ANGPT1: variants seen among roughly 807,000 people sequenced by gnomAD.
ANGPT1 encodes the protein angiopoietin 1.
In ANGPT1, 17 loss-of-function variants were observed where a neutral mutation model predicts 62.2. The ratio of observed to expected loss-of-function variants is 0.27; its 90% CI spans 0.19 to 0.41. The LOEUF (loss-of-function observed/expected upper bound fraction) is 0.41, where lower values mean the gene tolerates loss of function less well. Ranked by LOEUF, ANGPT1 falls within the 10% of genes least tolerant of loss-of-function variation. The pLI is 1.00. For synonymous variants in ANGPT1, 199 were observed against 198.9 expected (o/e 1.00, Z 0.00); for missense variants, 478 against 594.9 (o/e 0.80, Z 2.04).
chr8:107,394,127 A>C (rs1816888777), intron 1 of ANGPT1, among the ~76,000 whole-genome samples: 1 of 152,146 alleles, frequency 6.6e-6, no homozygotes, highest in African/African-American at 2.4e-5. Context: ...TATTTTCCTA[A>C]AGCTAGGGGT....
chr8:107,494,193 A>C (rs1425863402), intron 1 of ANGPT1, among the ~76,000 whole-genome samples: 1 of 152,226 alleles, frequency 6.6e-6, no homozygotes, highest in African/African-American at 2.4e-5. Context: ...TTAGAACATT[A>C]TACATATTTA....
rs1277247863 is a variant in ANGPT1, at chr8:107,351,302, G to A, written c.298-4205C>T. 2.0e-5 allele frequency among the ~76,000 whole-genome samples: 3 copies of A among 152,208 alleles called. No homozygotes were observed. In the East Asian group the frequency reaches 5.8e-4, roughly 29 times the overall value. On this transcript the variant is annotated intron_variant, in intron 1 of 8. Transcript: ENST00000517746. ...TATTTGCATAGCTTTTGTACACATTGTCTGACTTCATCCTTATACCAAACT... is the reference window on the plus strand; with the variant it reads ...TATTTGCATAGCTTTTGTACACATTATCTGACTTCATCCTTATACCAAACT...
intron 6 of ANGPT1, among the ~76,000 whole-genome samples, chr8:107,286,940 A>G (rs1033216214): frequency 3.9e-5 from 6 of 152,302 alleles, no homozygotes; most frequent in African/African-American, 1.4e-4. Flanking sequence ...CATAAACAAA[A>G]CAGAAAGTTA....
chr8:107,353,573 A>T (rs2130179836), intron 1 of ANGPT1, among the ~76,000 whole-genome samples: 1 of 152,248 alleles, frequency 6.6e-6, no homozygotes, highest in African/African-American at 2.4e-5. Flanking sequence ...GATACCCATC[A>T]GCTGCCCCCT....
intron 3 of ANGPT1, 70 bp from the exon 4 acceptor site, chr8:107,322,198 G>A: frequency 9.0e-7 from 1 of 1,105,814 alleles, no homozygotes; most frequent in South Asian, 1.6e-5. Flanking sequence ...TAATTCAATT[G>A]GTTCCTGAAT....
At chr8:107,448,408 G>A (rs1039339008) in intron 1 of ANGPT1, among the ~76,000 whole-genome samples, 1 of 151,872 alleles carries the variant, frequency 6.6e-6, no homozygotes, top group Non-Finnish European at 1.5e-5. Flanking sequence ...TTTTCCATTT[G>A]TTTTCTATTA....
chr8:107,325,164 C>A (rs1279553497), intron 3 of ANGPT1, among the ~76,000 whole-genome samples: 1 of 152,124 alleles, frequency 6.6e-6, no homozygotes, highest in Non-Finnish European at 1.5e-5. Context: ...TCTTCACTAT[C>A]TTTATTGGTT....
intron 1 of ANGPT1, among the ~76,000 whole-genome samples, chr8:107,397,084 A>G (rs1480776400): frequency 2.0e-5 from 3 of 152,114 alleles, no homozygotes; most frequent in Non-Finnish European, 4.4e-5. Context: ...TAATGGCCCA[A>G]TTGGTAATTT....
intron 1 of ANGPT1, among the ~76,000 whole-genome samples, chr8:107,367,669 C>A (rs1454071286): frequency 6.6e-6 from 1 of 152,140 alleles, no homozygotes; most frequent in Non-Finnish European, 1.5e-5. Flanking sequence ...CCTGTCAATA[C>A]TTTGTTAAAG....
chr8:107,307,400 G>A (rs1274028041), intron 4 of ANGPT1, among the ~76,000 whole-genome samples: 3 of 152,000 alleles, frequency 2.0e-5, no homozygotes, highest in Admixed American at 6.6e-5. Context: ...AACTTCCTAC[G>A]ACATTTCCTG....
Position 107,250,465 on chromosome 8 carries a change from C to CATATAT in ANGPT1, c.*1389_*1390insATATAT, listed in dbSNP as rs1813225299. 1 of 151,912 alleles carries CATATAT rather than the reference C, an allele frequency of 6.6e-6. No homozygotes were observed. The highest frequency in any genetic ancestry group is 2.4e-5 in the African/African-American group (1 of 41,358). 9.4% of individuals were successfully genotyped at this position (151,912 alleles called of 1,614,324 possible). Reference sequence around the variant, plus strand: ...TTTCCCTTACATATAATAGTTTTGCCAATTTTTCTCCCCTGATAATAATTT... The same window carrying CATATAT: ...TTTCCCTTACATATAATAGTTTTGCCATATATAATTTTTCTCCCCTGATAATAATTT... On this transcript the variant is annotated 3_prime_UTR_variant, in exon 9 of 9. Coordinates refer to ENST00000517746, the MANE Select transcript of ANGPT1 (RefSeq NM_001146.5).
At chr8:107,371,081 G>A (rs1260620919) in intron 1 of ANGPT1, among the ~76,000 whole-genome samples, 2 of 152,106 alleles carry the variant, frequency 1.3e-5, no homozygotes, top group African/African-American at 2.4e-5. Context: ...ACAGATAATC[G>A]ATGCAAACAG....
intron 1 of ANGPT1, among the ~76,000 whole-genome samples, chr8:107,460,688 A>G (rs546748230): frequency 2.0e-5 from 3 of 152,266 alleles, no homozygotes; most frequent in South Asian, 2.1e-4. Flanking sequence ...CTTGACACAC[A>G]TGGGGATAAG....
At chr8:107,341,815 T>A (rs932408982) in intron 2 of ANGPT1, among the ~76,000 whole-genome samples, 7 of 151,962 alleles carry the variant, frequency 4.6e-5, no homozygotes, top group Non-Finnish European at 8.8e-5. Flanking sequence ...CCAGAGAGTC[T>A]ATCTCCGGAG....
At chr8:107,470,160 A>G (rs1812314111) in intron 1 of ANGPT1, among the ~76,000 whole-genome samples, 1 of 152,128 alleles carries the variant, frequency 6.6e-6, no homozygotes, top group Non-Finnish European at 1.5e-5. Flanking sequence ...GTTTTACAAT[A>G]AATATTCAAT....
At chr8:107,396,399 T>C (rs1816934943) in intron 1 of ANGPT1, among the ~76,000 whole-genome samples, 1 of 151,874 alleles carries the variant, frequency 6.6e-6, no homozygotes, top group Admixed American at 6.6e-5. Context: ...TTATAATAGG[T>C]AAACCAAAAT....
At chr8:107,491,286 A>G (rs1278179580) in intron 1 of ANGPT1, among the ~76,000 whole-genome samples, 1 of 152,086 alleles carries the variant, frequency 6.6e-6, no homozygotes, top group African/African-American at 2.4e-5. Context: ...TGTGTCATCC[A>G]CTCTTCTAGG....
chr8:107,497,059 C>T (rs2130552914), intron 1 of ANGPT1, among the ~76,000 whole-genome samples: 1 of 152,238 alleles, frequency 6.6e-6, no homozygotes, highest in South Asian at 2.1e-4. Context: ...CGGGGTGCCC[C>T]CACACATTCA....
chr8:107,399,838 A>G (rs1817009039), intron 1 of ANGPT1, among the ~76,000 whole-genome samples: 1 of 152,186 alleles, frequency 6.6e-6, no homozygotes, highest in Non-Finnish European at 1.5e-5. Flanking sequence ...GAACTGAAGG[A>G]GCCAGGTGCC....
Sources: allele counts gnomAD v4.1 joint callset (sites outside exome capture counted in the v4.1 genomes callset), GRCh38; gene constraint gnomAD v4.1.1; transcripts MANE v1.5; gene names NCBI Gene and HGNC (gene_info 2026-07-23, HGNC 2026-07-21).